The following MRPL34 variants were observed in gnomAD, a reference collection of about 807,000 sequenced individuals.
The protein encoded by MRPL34 is large ribosomal subunit protein bL34m.
A neutral mutation model predicts 6.7 loss-of-function variants in MRPL34; 8 were observed. That is an observed-to-expected ratio of 1.20 (90% CI 0.70 to 2.16). The LOEUF (loss-of-function observed/expected upper bound fraction) is 2.16. Ranked by LOEUF, MRPL34 falls within the 30% of genes most tolerant of loss-of-function variation. The pLI, the probability that MRPL34 is intolerant of heterozygous loss-of-function variation, is 0.00. For synonymous variants in MRPL34, 59 were observed against 55.1 expected (o/e 1.07, Z -0.31); for missense variants, 146 against 125.5 (o/e 1.16, Z -0.78).
upstream of MRPL34, chr19:17,292,606 G>C (rs991771727): frequency 3.3e-6 from 5 of 1,529,202 alleles, no homozygotes; most frequent in East Asian, 2.4e-5. Flanking sequence ...GCGCAGGCTC[G>C]GGCCTCCTCC....
upstream of MRPL34, among the ~76,000 whole-genome samples, chr19:17,298,589 G>A (rs1026111521): frequency 2.0e-5 from 3 of 152,012 alleles, no homozygotes; most frequent in Non-Finnish European, 4.4e-5. Flanking sequence ...AACTACTGAA[G>A]ACATTTTTGA....
At chr19:17,305,769 C>T (rs1386133323), upstream of MRPL34, 14 of 966,444 alleles carry the variant, frequency 1.4e-5, no homozygotes, top group East Asian at 1.7e-4. Flanking sequence ...TCAGGGTTTT[C>T]CCCAACGGCC....
upstream of MRPL34, among the ~76,000 whole-genome samples, chr19:17,299,515 C>A (rs929594581): frequency 6.9e-6 from 1 of 144,132 alleles, no homozygotes; most frequent in African/African-American, 2.6e-5. Context: ...GAGCCAGGAT[C>A]ACGCCACTGC....
At chr19:17,301,413 G>C, upstream of MRPL34, 1 of 1,612,136 alleles carries the variant, frequency 6.2e-7, no homozygotes, top group Non-Finnish European at 8.5e-7. Flanking sequence ...GGTCCCCCTG[G>C]GCTGCATCCG....
chr19:17,294,710 G>A (rs369571526), intron 1 of MRPL34: 2 of 1,614,080 alleles, frequency 1.2e-6, no homozygotes, highest in Non-Finnish European at 1.7e-6. Context: ...GCGACAAGCA[G>A]TGCAGGACGC....
chr19:17,299,560 CAA>C (rs567760409), upstream of MRPL34, among the ~76,000 whole-genome samples: 19 of 51,500 alleles, frequency 3.7e-4, no homozygotes, highest in Admixed American at 9.5e-4. Context: ...GACTCCATCT[CAA>C]AAAAAAAAAA....
upstream of MRPL34, chr19:17,300,750 T>G: frequency 7.2e-7 from 1 of 1,391,632 alleles, no homozygotes; most frequent in Admixed American, 2.3e-5. Context: ...AGTGCTGGGA[T>G]TACAGGCGTG....
chr19:17,305,617 C>G (rs997126464), upstream of MRPL34: 1 of 497,034 alleles, frequency 2.0e-6, no homozygotes, highest in African/African-American at 2.0e-5. Flanking sequence ...GCCAGCTGAC[C>G]GCGGGAGATA....
At chr19:17,304,771 G>A (rs2074137981), upstream of MRPL34, among the ~76,000 whole-genome samples, 2 of 149,948 alleles carry the variant, frequency 1.3e-5, no homozygotes, top group South Asian at 2.2e-4. Flanking sequence ...ATGGACAGCG[G>A]TTGAGAGAAG....
chr19:17,300,095 A>AAAAATTTTTT (rs1169437623), upstream of MRPL34, among the ~76,000 whole-genome samples: 1 of 151,208 alleles, frequency 6.6e-6, no homozygotes, highest in Admixed American at 6.6e-5. Context: ...TAGTAGAGAC[A>AAAAATTTTTT]GGGTTTCACC....
chr19:17,301,352 G>A (rs1459054979), upstream of MRPL34: 5 of 1,609,608 alleles, frequency 3.1e-6, no homozygotes, highest in Admixed American at 6.7e-5. Flanking sequence ...ACCAGCAACC[G>A]CCCATTGCGG....
upstream of MRPL34, among the ~76,000 whole-genome samples, chr19:17,300,453 C>T (rs568219953): frequency 6.6e-6 from 1 of 152,066 alleles, no homozygotes; most frequent in Admixed American, 6.5e-5. Context: ...GATATCCTCC[C>T]GCCTTGGCCC....
At chr19:17,305,322 C>T (rs184916465), upstream of MRPL34, among the ~76,000 whole-genome samples, 2 of 144,774 alleles carry the variant, frequency 1.4e-5, no homozygotes, top group East Asian at 2.0e-4. Context: ...TTGCCAAAGA[C>T]AAGCTTGCAA....
At chr19:17,303,392 G>C (rs1026351676), upstream of MRPL34, 3 of 152,228 alleles carry the variant, frequency 2.0e-5, no homozygotes, top group Non-Finnish European at 2.9e-5. Context: ...TCAGCGCAGG[G>C]GCATCCCGCG....
Position 17,295,399 on chromosome 19 carries a change from G to A in MRPL34, c.214+2545G>A, listed in dbSNP as rs552507319. ...TGGGATTACAGGCCTGAGCCACTGCGCCTGGCCTGGTTTGTTTTTGTTTTT... is the reference window on the plus strand; with the variant it reads ...TGGGATTACAGGCCTGAGCCACTGCACCTGGCCTGGTTTGTTTTTGTTTTT... On this transcript the variant is annotated intron_variant, in intron 1 of 2. Coordinates refer to the MRPL34 transcript ENST00000595444. Among the ~76,000 whole-genome samples, 50 of 151,370 alleles carry A rather than the reference G, an allele frequency of 3.3e-4. 1 individual carries two copies. Among genetic ancestry groups the A allele is most frequent in the African/African-American group, 1.2e-3 (48 of 41,212 alleles).
intron 1 of MRPL34, among the ~76,000 whole-genome samples, chr19:17,293,105 T>C (rs867101852): frequency 0.021 from 3,185 of 150,212 alleles, 128 homozygotes; most frequent in African/African-American, 0.074. Flanking sequence ...TTTCTTTTTT[T>C]TTTTTTTTGA....
chr19:17,301,484 G>T (rs892039197), upstream of MRPL34: 1 of 1,611,418 alleles, frequency 6.2e-7, no homozygotes, highest in Non-Finnish European at 8.5e-7. Context: ...TGCTTCACCC[G>T]CAGCACGCGG....
At chr19:17,292,609 C>G in exon 1 of MRPL34, 7 of 1,540,024 alleles carry the variant, frequency 4.5e-6, no homozygotes, top group Non-Finnish European at 6.1e-6. Flanking sequence ...CAGGCTCGGG[C>G]CTCCTCCTGC....
chr19:17,301,776 TTGTG>T (rs10679164), upstream of MRPL34, among the ~76,000 whole-genome samples: 1,099 of 147,246 alleles, frequency 7.5e-3, 9 homozygotes, highest in African/African-American at 0.019. Context: ...ATTTTTTTGT[TTGTG>T]TGTGTGTGTG....
Sources: allele counts gnomAD v4.1 joint callset (sites outside exome capture counted in the v4.1 genomes callset), GRCh38; gene constraint gnomAD v4.1.1; transcripts MANE v1.5; gene names NCBI Gene and HGNC (gene_info 2026-07-23, HGNC 2026-07-21).